The following GRIK1 variants were observed in gnomAD, a reference collection of about 807,000 sequenced individuals.
The protein encoded by GRIK1 is glutamate receptor ionotropic, kainate 1.
A neutral mutation model predicts 105.7 loss-of-function variants in GRIK1; 69 were observed. That is an observed-to-expected ratio of 0.65 (90% CI 0.54 to 0.80). The LOEUF (loss-of-function observed/expected upper bound fraction) is 0.80, where lower values mean the gene tolerates loss of function less well. Among genes scored for constraint, GRIK1 ranks in the 30% least tolerant of loss-of-function variants. The pLI is 0.00. For synonymous variants in GRIK1, 438 were observed against 431.3 expected (o/e 1.02, Z -0.19); for missense variants, 1,109 against 1,167.3 (o/e 0.95, Z 0.73).
At position 29,537,319 on chromosome 21, in the gene GRIK1, T is replaced by C. The variant is rs116002269; in HGVS notation, c.2761A>G (p.Lys921Glu). Residue 921 changes from lysine to glutamate, a missense_variant, in exon 18 of 18, where the codon AAA (lysine) becomes GAA (glutamate). This residue lies in a region of GRIK1 where 161 missense variants were observed against 143.4 expected (regional missense o/e 1.12). Coordinates refer to ENST00000327783, the MANE Select transcript of GRIK1 (RefSeq NM_001330994.2). ...ISLKNQKKIK[K>E]KSRTKGKSSF... Reference sequence around the variant, plus strand: ...GATTTCCCCTTAGTTCTTGACTTTTTCTTTATTTTTTTCTGATTCTTCAGT... The same window carrying C: ...GATTTCCCCTTAGTTCTTGACTTTTCCTTTATTTTTTTCTGATTCTTCAGT... 1.3e-4 allele frequency: 202 copies of C among 1,611,706 alleles called. No individual in the cohort carries two copies. In the African/African-American group the frequency reaches 2.5e-3, roughly 20 times the overall value.
intron 1 of GRIK1, among the ~76,000 whole-genome samples, chr21:29,909,221 T>G (rs965071446): frequency 1.3e-5 from 2 of 151,962 alleles, no homozygotes; most frequent in Non-Finnish European, 2.9e-5. Context: ...TTAACAGGGA[T>G]CTTTAAGGGC....
intron 3 of GRIK1, among the ~76,000 whole-genome samples, chr21:29,683,096 G>A (rs543990780): frequency 6.6e-4 from 100 of 152,300 alleles, no homozygotes; most frequent in African/African-American, 2.3e-3. Context: ...TCTCACACCA[G>A]TCACAATGGC....
chr21:29,666,819 A>C (rs535363595), intron 4 of GRIK1, among the ~76,000 whole-genome samples: 28 of 152,346 alleles, frequency 1.8e-4, no homozygotes, highest in Non-Finnish European at 3.4e-4. Context: ...TAAGACGAGA[A>C]TCAGTTGACA....
At chr21:29,928,569 A>G (rs964231431) in intron 1 of GRIK1, among the ~76,000 whole-genome samples, 2 of 152,248 alleles carry the variant, frequency 1.3e-5, no homozygotes, top group Non-Finnish European at 2.9e-5. Context: ...AGAGCCTGAG[A>G]TAACCAGCAG....
At chr21:29,788,669 G>A (rs1049812621) in intron 1 of GRIK1, among the ~76,000 whole-genome samples, 5 of 152,050 alleles carry the variant, frequency 3.3e-5, no homozygotes, top group Admixed American at 6.6e-5. Flanking sequence ...AAATAATTAC[G>A]CAGCTTACCA....
intron 6 of GRIK1, among the ~76,000 whole-genome samples, chr21:29,643,203 AT>A (rs1463522756): frequency 3.9e-5 from 6 of 152,256 alleles, no homozygotes; most frequent in Non-Finnish European, 5.9e-5. Flanking sequence ...TTAAAAAAAA[AT>A]AAAGCAACCC....
At chr21:29,707,107 G>T (rs897318299) in intron 1 of GRIK1, among the ~76,000 whole-genome samples, 1 of 151,904 alleles carries the variant, frequency 6.6e-6, no homozygotes, top group African/African-American at 2.4e-5. Context: ...CTCGTGATCC[G>T]CCCTCCTCGG....
chr21:29,934,299 C>T (rs1410960378), intron 1 of GRIK1, among the ~76,000 whole-genome samples: 1 of 152,088 alleles, frequency 6.6e-6, no homozygotes, highest in East Asian at 1.9e-4. Context: ...ATTTAGTTAC[C>T]CTGGATAACC....
intron 1 of GRIK1, among the ~76,000 whole-genome samples, chr21:29,833,363 C>T (rs2067694995): frequency 6.6e-6 from 1 of 152,092 alleles, no homozygotes; most frequent in African/African-American, 2.4e-5. Context: ...ATAAGAATGC[C>T]CCACTCCCAG....
intron 1 of GRIK1, among the ~76,000 whole-genome samples, chr21:29,797,105 A>G (rs1176115459): frequency 6.6e-6 from 1 of 152,220 alleles, no homozygotes; most frequent in African/African-American, 2.4e-5. Context: ...GCGGCTATCA[A>G]GCTGCCAGCA....
chr21:29,772,825 G>A (rs900812427), intron 1 of GRIK1, among the ~76,000 whole-genome samples: 3 of 152,132 alleles, frequency 2.0e-5, no homozygotes, highest in African/African-American at 7.2e-5. Flanking sequence ...GGTTAATTAC[G>A]CATATGATAA....
chr21:29,918,901 C>T (rs779214895), intron 1 of GRIK1, among the ~76,000 whole-genome samples: 9 of 151,876 alleles, frequency 5.9e-5, no homozygotes, highest in Non-Finnish European at 1.2e-4. Context: ...GAGCAGATGG[C>T]ATATTCATAG....
chr21:29,716,185 C>T (rs1421132435), intron 1 of GRIK1, among the ~76,000 whole-genome samples: 5 of 152,174 alleles, frequency 3.3e-5, no homozygotes, highest in Non-Finnish European at 7.3e-5. Context: ...CCATGCTGCA[C>T]TGTGAGTCAA....
chr21:29,921,674 T>C (rs535686834), intron 1 of GRIK1, among the ~76,000 whole-genome samples: 20 of 152,318 alleles, frequency 1.3e-4, no homozygotes, highest in African/African-American at 4.8e-4. Flanking sequence ...ATCTAAAATT[T>C]CACTCAGGTT....
intron 1 of GRIK1, among the ~76,000 whole-genome samples, chr21:29,849,929 A>ACT (rs1446673754): frequency 1.6e-4 from 24 of 152,126 alleles, no homozygotes; most frequent in African/African-American, 5.1e-4. Context: ...TGAACCCAAC[A>ACT]GTGGATGGCC....
chr21:29,618,784 T>A (rs1003828632), intron 7 of GRIK1, among the ~76,000 whole-genome samples: 13 of 152,168 alleles, frequency 8.5e-5, no homozygotes, highest in African/African-American at 2.9e-4. Flanking sequence ...AAACAATGTA[T>A]GTTCTCACTC....
chr21:29,773,209 G>T (rs906568530), intron 1 of GRIK1, among the ~76,000 whole-genome samples: 1 of 152,198 alleles, frequency 6.6e-6, no homozygotes, highest in Non-Finnish European at 1.5e-5. Flanking sequence ...TTGTATCAGT[G>T]TAAGTCCTTC....
At chr21:29,665,908 T>C (rs1020210440) in intron 4 of GRIK1, among the ~76,000 whole-genome samples, 4 of 152,164 alleles carry the variant, frequency 2.6e-5, no homozygotes, top group African/African-American at 9.7e-5. Flanking sequence ...AAGAAATCAT[T>C]CCAGTCAAAC....
chr21:29,704,584 A>T (rs532715853), intron 1 of GRIK1, among the ~76,000 whole-genome samples: 1 of 152,294 alleles, frequency 6.6e-6, no homozygotes, highest in East Asian at 1.9e-4. Context: ...CTTCAGTTGA[A>T]CTTACTCTCC....
Sources: gnomAD v4.1 joint callset for allele counts (sites outside exome capture counted in the v4.1 genomes callset) on GRCh38, gnomAD v4.1.1 for gene constraint, gnomAD v4.1.1 regional missense constraint, MANE v1.5 for transcripts, NCBI Gene and HGNC (gene_info 2026-07-23, HGNC 2026-07-21) for gene names.